ZNF410: variants seen among roughly 807,000 people sequenced by gnomAD.
ZNF410 encodes another partner for ARF 1.
In ZNF410, 18 loss-of-function variants were observed where a neutral mutation model predicts 54.8. The ratio of observed to expected loss-of-function variants is 0.33; its 90% CI spans 0.23 to 0.49. The LOEUF (loss-of-function observed/expected upper bound fraction) is 0.49, where lower values mean the gene tolerates loss of function less well. ZNF410 is among the 20% of genes least tolerant of loss of function. The probability of loss-of-function intolerance (pLI) is 0.99; values close to 1 mark genes in which losing one functional copy is unlikely to be tolerated. For synonymous variants in ZNF410, 191 were observed against 207.3 expected (o/e 0.92, Z 0.68); for missense variants, 405 against 569.6 (o/e 0.71, Z 2.94).
Position 73,918,997 on chromosome 14 carries a change from C to CTTTTTT in ZNF410, c.1004-1958_1004-1953dup, listed in dbSNP as rs906481832. On this transcript the variant is annotated intron_variant, in intron 8 of 11. Coordinates refer to ENST00000555044, the MANE Select transcript of ZNF410 (RefSeq NM_021188.3). The stretch of plus-strand genomic sequence containing the variant: ...ACAGGAGTAAGCCACCGTGCCCGGC[C>CTTTTTT]TTTTTTTTTTTTTTTTTTTTTTTTT... Among the ~76,000 whole-genome samples the CTTTTTT allele has an allele frequency of 6.6e-5, 4 of 60,640 alleles. 1 individual carries two copies. In the South Asian group the frequency reaches 2.6e-3, roughly 40 times the overall value. The allele number at this position is 60,640 out of a possible 152,430, so 39.8% of individuals were successfully genotyped here.
intron 8 of ZNF410, among the ~76,000 whole-genome samples, chr14:73,909,962 A>T (rs548245163): frequency 1.3e-5 from 2 of 152,108 alleles, no homozygotes; most frequent in Non-Finnish European, 2.9e-5. Flanking sequence ...TTAGTGACCC[A>T]TTTTCTGTTT....
Position 73,904,722 on chromosome 14 carries a change from T to C in ZNF410, c.732-180T>C, listed in dbSNP as rs1048888541. 1.2e-4 allele frequency among the ~76,000 whole-genome samples: 19 copies of C among 152,084 alleles called. 1 individual carries two copies. The highest frequency in any genetic ancestry group is 1.1e-3 in the Admixed American group (17 of 15,248). ...AATCTTCCTGCCTCAGCCTCCAGAG[T>C]AGCTGGGATTACAGGCGTGAGCCAC... On this transcript the variant is annotated intron_variant, in intron 6 of 11. Transcript: ENST00000555044.
chr14:73,890,483 C>T (rs1330073936), intron 1 of ZNF410, among the ~76,000 whole-genome samples: 1 of 152,140 alleles, frequency 6.6e-6, no homozygotes, highest in African/African-American at 2.4e-5. Context: ...CCACCGTGCC[C>T]AGCCTAAGTG....
rs547129714 is a variant in ZNF410 at position 73,896,017 on chromosome 14, A to G, written c.170-299A>G. On this transcript the variant is annotated intron_variant, in intron 3 of 11. Coordinates refer to ENST00000555044, the MANE Select transcript of ZNF410 (RefSeq NM_021188.3). Reference sequence around the variant, plus strand: ...TATATTTTTCAAGGAGAAAGTACTGATTTCTGGCCTCAAAAAGGACTAAAT... The same window carrying G: ...TATATTTTTCAAGGAGAAAGTACTGGTTTCTGGCCTCAAAAAGGACTAAAT... The G allele has an allele frequency of 3.4e-3, 1,187 of 347,190 alleles. 7 individuals carry two copies. Among genetic ancestry groups the G allele is most frequent in the Non-Finnish European group, 4.7e-3 (895 of 190,876 alleles). 21.5% of individuals were successfully genotyped at this position (347,190 alleles called of 1,614,324 possible).
At chr14:73,920,860 T>C (rs1041753664) in intron 8 of ZNF410, 120 bp from the exon 9 acceptor site, 10 of 1,331,742 alleles carry the variant, frequency 7.5e-6, no homozygotes, top group African/African-American at 1.5e-5. Context: ...AGGTGCGGAA[T>C]GGGAAAAGGA....
intron 3 of ZNF410, 111 bp from the exon 4 acceptor site, chr14:73,896,205 T>C: frequency 2.7e-6 from 2 of 732,218 alleles, no homozygotes; most frequent in Non-Finnish European, 4.6e-6. Context: ...GAGAATGCTG[T>C]CTGTTGCTAT....
At chr14:73,919,408 A>C (rs1363697932) in intron 8 of ZNF410, among the ~76,000 whole-genome samples, 1 of 152,132 alleles carries the variant, frequency 6.6e-6, no homozygotes, top group Middle Eastern at 3.2e-3. Context: ...AGCAGTGAAC[A>C]TAGTACCTGA....
intron 11 of ZNF410, among the ~76,000 whole-genome samples, chr14:73,930,729 A>G (rs532814240): frequency 6.6e-6 from 1 of 152,060 alleles, no homozygotes; most frequent in Non-Finnish European, 1.5e-5. Context: ...CAGCCTCCCA[A>G]GTAGCTAGGA....
At chr14:73,907,195 G>A (rs1187092960) in intron 7 of ZNF410, among the ~76,000 whole-genome samples, 1 of 152,176 alleles carries the variant, frequency 6.6e-6, no homozygotes, top group Admixed American at 6.5e-5. Flanking sequence ...TTTGAATTCT[G>A]ATATGACCCC....
chr14:73,904,852 C>G (rs1361772441), intron 6 of ZNF410, 50 bp from the exon 7 acceptor site: 10 of 1,584,916 alleles, frequency 6.3e-6, no homozygotes, highest in Non-Finnish European at 8.6e-6. Flanking sequence ...CTTGTCATCT[C>G]TAGCAAAGAG....
At position 73,921,076 on chromosome 14, in the gene ZNF410, C is replaced by G; in HGVS notation, c.1100C>G (p.Ala367Gly). ...HMRKHHLQLGAAGSQEQEQTA... is the reference protein window; with the variant it reads ...HMRKHHLQLGGAGSQEQEQTA... The stretch of plus-strand genomic sequence containing the variant: ...AGAAAGCATCACCTGCAGCTGGGAG[C>G]AGCTGGGAGTCAAGAGCAGGAGCAA... The change falls in exon 9 of 12, where the codon GCA becomes GGA. Residue 367 changes from alanine to glycine, a missense_variant. Around this residue, in one of 3 missense-constraint regions of ZNF410, gnomAD observed 127 missense variants for 141.3 expected, o/e 0.90. Coordinates refer to ENST00000555044, the MANE Select transcript of ZNF410 (RefSeq NM_021188.3). 1 of 1,614,052 alleles carries G rather than the reference C, an allele frequency of 6.2e-7. No homozygotes were observed. The highest frequency in any genetic ancestry group is 8.5e-7 in the Non-Finnish European group (1 of 1,179,976).
rs1052260720 is a variant in ZNF410 at position 73,910,430 on chromosome 14, G to GATGAAT, written c.1003+1002_1003+1007dup. 1.7e-4 allele frequency among the ~76,000 whole-genome samples: 26 copies of GATGAAT among 152,246 alleles called. No homozygotes were observed. The East Asian group carries it at 4.6e-3, about 27-fold the overall frequency. ...ATGGAGGCAGCAGGTGAGGATTATT[G>GATGAAT]ATGAATAATCAATAATCAGAAGCAT... is the stretch of plus-strand genomic sequence containing the variant. On this transcript the variant is annotated intron_variant, in intron 8 of 11. Coordinates refer to ENST00000555044, the MANE Select transcript of ZNF410 (RefSeq NM_021188.3).
intron 11 of ZNF410, among the ~76,000 whole-genome samples, chr14:73,924,347 C>A (rs774498303): frequency 6.6e-6 from 1 of 152,180 alleles, no homozygotes; most frequent in South Asian, 2.1e-4. Flanking sequence ...CTGCTGCTCA[C>A]CTCCTGCTGT....
intron 8 of ZNF410, among the ~76,000 whole-genome samples, chr14:73,919,886 G>GTTT (rs1158550117): frequency 0.024 from 1,463 of 61,962 alleles, 155 homozygotes; most frequent in African/African-American, 0.033. Flanking sequence ...TATTGTATAG[G>GTTT]TTTTTTTTTT....
chr14:73,898,636 T>A, intron 5 of ZNF410: 1 of 304,784 alleles, frequency 3.3e-6, no homozygotes, highest in Non-Finnish European at 5.9e-6. Context: ...ACAGTTTTTA[T>A]CAGTTAATAG....
Position 73,898,115 on chromosome 14 carries a change from G to A in ZNF410, c.433G>A (p.Ala145Thr). 2 of 1,614,164 alleles carry A rather than the reference G, an allele frequency of 1.2e-6. No homozygotes were observed. Among genetic ancestry groups the A allele is most frequent in the Non-Finnish European group, 1.7e-6 (2 of 1,180,046 alleles). ...AEHLVFVQDEAEDSGNDFLSS... is the reference protein window; with the variant it reads ...AEHLVFVQDETEDSGNDFLSS... ...GCACTTAGTGTTTGTACAGGATGAG[G>A]CAGAAGATTCAGGGAATGATTTCCT... Residue 145 changes from alanine to threonine, a missense_variant, in exon 5 of 12, where the codon GCA becomes ACA. By Grantham distance (58) the Ala-to-Thr change is moderately conservative. Around this residue, in one of 3 missense-constraint regions of ZNF410, gnomAD observed 247 missense variants for 342.8 expected, o/e 0.72. Transcript: ENST00000555044.
At position 73,931,675 on chromosome 14, in the gene ZNF410, C is replaced by A; in HGVS notation, c.*134C>A. 1.3e-6 allele frequency: 1 copy of A among 764,788 alleles called. No homozygotes were observed. Among genetic ancestry groups the A allele is most frequent in the Non-Finnish European group, 2.2e-6 (1 of 453,554 alleles). The allele number at this position is 764,788 out of a possible 1,614,324, so 47.4% of individuals were successfully genotyped here. A position where few individuals can be genotyped will look rare whatever the true frequency, so the allele number is the denominator to read the frequency against. On this transcript the variant is annotated 3_prime_UTR_variant, in exon 12 of 12. Transcript: ENST00000555044. ...CAAGACTCTGCTTTTGCCACTCTTC[C>A]TCTTTCCTGGTATAGAAGATGGATG...
chr14:73,919,481 A>G (rs886559411), intron 8 of ZNF410, among the ~76,000 whole-genome samples: 2 of 152,068 alleles, frequency 1.3e-5, no homozygotes, highest in Non-Finnish European at 2.9e-5. Flanking sequence ...TATTGTTCCC[A>G]TCTTTGTGTC....
chr14:73,915,689 A>G (rs1218631791), intron 8 of ZNF410: 1 of 152,092 alleles, frequency 6.6e-6, no homozygotes, highest in East Asian at 1.9e-4. Flanking sequence ...GATGCCCTTT[A>G]TCAGATGAAG....
Sources: gnomAD v4.1 joint callset for allele counts (sites outside exome capture counted in the v4.1 genomes callset) on GRCh38, gnomAD v4.1.1 for gene constraint, gnomAD v4.1.1 regional missense constraint, MANE v1.5 for transcripts, NCBI Gene and HGNC (gene_info 2026-07-23, HGNC 2026-07-21) for gene names.